NUDT9: variants seen among roughly 807,000 people sequenced by gnomAD.
NUDT9 encodes ADP-ribose pyrophosphatase.
A neutral mutation model predicts 41.0 loss-of-function variants in NUDT9; 31 were observed. The observed-to-expected ratio is 0.76, with a 90% confidence interval of 0.57 to 1.02. The LOEUF is 1.02. Among genes scored for constraint, NUDT9 ranks in the 50% least tolerant of loss-of-function variants. The pLI is 0.00. For synonymous variants in NUDT9, 146 were observed against 147.6 expected (o/e 0.99, Z 0.08); for missense variants, 380 against 431.4 (o/e 0.88, Z 1.06).
chr4:87,430,579 T>A (rs1445080282), intron 1 of NUDT9, among the ~76,000 whole-genome samples: 3 of 152,204 alleles, frequency 2.0e-5, no homozygotes, highest in East Asian at 3.8e-4. Context: ...TTTCTCCACA[T>A]CCTTGCCAAT....
intron 7 of NUDT9, among the ~76,000 whole-genome samples, chr4:87,454,793 G>A (rs1722915518): frequency 6.6e-6 from 1 of 152,100 alleles, no homozygotes; most frequent in Non-Finnish European, 1.5e-5. Context: ...TGGGATTTGG[G>A]TAGGAAGTAT....
chr4:87,443,911 G>C (rs1011231288), intron 4 of NUDT9, among the ~76,000 whole-genome samples: 5 of 152,142 alleles, frequency 3.3e-5, no homozygotes, highest in South Asian at 2.1e-4. Flanking sequence ...GTTTCAGAAC[G>C]GGGGAGAGGC....
chr4:87,438,644 A>C (rs545202919), intron 3 of NUDT9, among the ~76,000 whole-genome samples: 2 of 152,342 alleles, frequency 1.3e-5, no homozygotes, highest in Admixed American at 6.5e-5. Context: ...TGGAAACAGA[A>C]ATAATTGAAT....
intron 4 of NUDT9, among the ~76,000 whole-genome samples, chr4:87,448,759 G>T (rs1045339113): frequency 2.3e-4 from 35 of 152,050 alleles, no homozygotes; most frequent in Admixed American, 1.8e-3. Context: ...GAGACACTGC[G>T]CCTGGCAACT....
intron 1 of NUDT9, among the ~76,000 whole-genome samples, chr4:87,425,915 T>G (rs767290571): frequency 1.3e-4 from 19 of 151,962 alleles, no homozygotes; most frequent in Admixed American, 3.3e-4. Context: ...TCAGTGATTG[T>G]CCCAGCTCAG....
Position 87,449,098 on chromosome 4 carries a change from G to T in NUDT9, c.531-44G>T. On this transcript the variant is annotated intron_variant, in intron 4 of 7. Transcript: ENST00000302174. Reference sequence around the variant, plus strand: ...ATCTCAAGTTTGAGATAGAACCTTAGTTTTTGTTGTAAATCCGTTATGATT... The same window carrying T: ...ATCTCAAGTTTGAGATAGAACCTTATTTTTTGTTGTAAATCCGTTATGATT... The T allele has an allele frequency of 2.6e-6, 3 of 1,165,322 alleles. No individual in the cohort carries two copies. The South Asian group carries it at 3.8e-5, about 15-fold the overall frequency. 72.2% of individuals were successfully genotyped at this position (1,165,322 alleles called of 1,614,324 possible).
intron 4 of NUDT9, among the ~76,000 whole-genome samples, chr4:87,448,041 A>C: frequency 6.6e-6 from 1 of 152,152 alleles, no homozygotes; most frequent in African/African-American, 2.4e-5. Context: ...TTTTAAAAAA[A>C]AAAAAAAAAA....
At chr4:87,448,789 G>A (rs1419685198) in intron 4 of NUDT9, among the ~76,000 whole-genome samples, 1 of 151,920 alleles carries the variant, frequency 6.6e-6, no homozygotes, top group Non-Finnish European at 1.5e-5. Flanking sequence ...TTTTAAAAGG[G>A]GATTCGTAAA....
At chr4:87,427,324 G>T (rs1284829564) in intron 1 of NUDT9, among the ~76,000 whole-genome samples, 5 of 152,140 alleles carry the variant, frequency 3.3e-5, no homozygotes, top group Non-Finnish European at 5.9e-5. Context: ...CCAGTCTTAA[G>T]AATTGGTTTT....
intron 1 of NUDT9, 113 bp downstream of exon 1, chr4:87,423,125 A>G (rs1200959925): frequency 1.5e-6 from 1 of 666,478 alleles, no homozygotes; most frequent in Non-Finnish European, 2.5e-6. Flanking sequence ...TCGGGTTTTT[A>G]TAGTCATATA....
intron 3 of NUDT9, among the ~76,000 whole-genome samples, chr4:87,441,215 T>A (rs557162693): frequency 6.6e-6 from 1 of 152,316 alleles, no homozygotes; most frequent in Admixed American, 6.5e-5. Flanking sequence ...TGAAATAAAA[T>A]GACACAGGCA....
intron 7 of NUDT9, 44 bp downstream of exon 7, chr4:87,454,499 T>G (rs1722902903): frequency 8.1e-7 from 1 of 1,239,178 alleles, no homozygotes; most frequent in Non-Finnish European, 1.2e-6. Context: ...AAGGATCAAT[T>G]TAAGCCATTA....
At chr4:87,440,733 C>A (rs1395730107) in intron 3 of NUDT9, among the ~76,000 whole-genome samples, 1 of 152,060 alleles carries the variant, frequency 6.6e-6, no homozygotes, top group East Asian at 1.9e-4. Context: ...GTAATCCCAG[C>A]TACTCAGGAG....
In NUDT9 at chr4:87,449,179, C is replaced by A. The variant is rs766787181; in HGVS notation, c.568C>A (p.Pro190Thr). 13 of 1,610,628 alleles carry A rather than the reference C, an allele frequency of 8.1e-6. No individual in the cohort carries two copies. Among genetic ancestry groups the A allele is most frequent in the Non-Finnish European group, 1.0e-5 (12 of 1,177,128 alleles). Residue 190 changes from proline to threonine, a missense_variant, in exon 5 of 8, where the codon CCT (proline) becomes ACT (threonine). By Grantham distance (38) the Pro-to-Thr change is conservative. Coordinates refer to ENST00000302174, the MANE Select transcript of NUDT9 (RefSeq NM_024047.5). Reference protein sequence around the residue: ...RDSSGNKIMHPVSGKHILQFV... With the variant: ...RDSSGNKIMHTVSGKHILQFV... The stretch of plus-strand genomic sequence containing the variant: ...TAGCAGTGGAAATAAAATCATGCAT[C>A]CTGTTTCTGGGAAGCATATCTTACA...
intron 4 of NUDT9, 141 bp downstream of exon 4, chr4:87,442,056 C>A: frequency 1.7e-6 from 1 of 600,768 alleles, no homozygotes; most frequent in Non-Finnish European, 2.9e-6. Flanking sequence ...TGTATACAGT[C>A]ATGCATTGCT....
At chr4:87,441,737 T>C in intron 3 of NUDT9, 92 bp from the exon 4 acceptor site, 1 of 981,930 alleles carries the variant, frequency 1.0e-6, no homozygotes. Context: ...TATTCTGTCT[T>C]ACTGCTTATG....
At chr4:87,430,258 G>T (rs1360994899) in intron 1 of NUDT9, among the ~76,000 whole-genome samples, 1 of 152,208 alleles carries the variant, frequency 6.6e-6, no homozygotes, top group East Asian at 1.9e-4. Flanking sequence ...TTTCTCTTGA[G>T]CCTCCAGAGA....
Position 87,459,129 on chromosome 4 carries a change from A to C in NUDT9, c.*1108A>C, listed in dbSNP as rs984912640. 1 of 152,248 alleles carries C rather than the reference A, an allele frequency of 6.6e-6. No individual in the cohort carries two copies. The highest frequency in any genetic ancestry group is 1.9e-4 in the East Asian group (1 of 5,206). 9.4% of individuals were successfully genotyped at this position (152,248 alleles called of 1,614,324 possible). A position where few individuals can be genotyped will look rare whatever the true frequency, so the allele number is the denominator to read the frequency against. On this transcript the variant is annotated 3_prime_UTR_variant, in exon 8 of 8. Transcript: ENST00000302174. ...TGCAGCCGTAAAAAAGAATAAGATC[A>C]TGTCCTCTGAAAAGACATGGGTGGA... is the stretch of plus-strand genomic sequence containing the variant.
At chr4:87,426,601 G>A (rs930963092) in intron 1 of NUDT9, among the ~76,000 whole-genome samples, 13 of 151,692 alleles carry the variant, frequency 8.6e-5, no homozygotes, top group African/African-American at 2.7e-4. Flanking sequence ...TAGTAGAGAC[G>A]GGGTTTCACT....
Sources: gnomAD v4.1 joint callset for allele counts (sites outside exome capture counted in the v4.1 genomes callset) on GRCh38, gnomAD v4.1.1 for gene constraint, MANE v1.5 for transcripts, NCBI Gene and HGNC (gene_info 2026-07-23, HGNC 2026-07-21) for gene names.